Variants in GALNT18 observed in about 807,000 individuals in gnomAD.
GALNT18 encodes the protein GalNAc-transferase 18.
In GALNT18, 44 loss-of-function variants were observed where a neutral mutation model predicts 69.5. That is an observed-to-expected ratio of 0.63 (90% CI 0.50 to 0.81). The LOEUF is 0.81. GALNT18 is among the 40% of genes least tolerant of loss of function. The pLI, the probability that GALNT18 is intolerant of heterozygous loss-of-function variation, is 0.00. For missense variants in GALNT18, 715 were observed against 810.0 expected (o/e 0.88, Z 1.42); for synonymous variants, 364 against 318.2 (o/e 1.14, Z -1.53).
intron 10 of GALNT18, among the ~76,000 whole-genome samples, chr11:11,277,405 G>A (rs902339710): frequency 6.7e-6 from 1 of 150,356 alleles, no homozygotes; most frequent in African/African-American, 2.4e-5. Flanking sequence ...TCTTTTTTTT[G>A]TTAGTCTGGC....
At chr11:11,350,075 C>A (rs1286719246) in intron 6 of GALNT18, among the ~76,000 whole-genome samples, 1 of 152,174 alleles carries the variant, frequency 6.6e-6, no homozygotes, top group Non-Finnish European at 1.5e-5. Context: ...ATTCATTGGG[C>A]AGAATTCCAA....
At chr11:11,493,241 A>G (rs1856807744) in intron 1 of GALNT18, among the ~76,000 whole-genome samples, 2 of 128,798 alleles carry the variant, frequency 1.6e-5, no homozygotes, top group African/African-American at 6.0e-5. Context: ...AGCCTGGGCG[A>G]CAGAGTGAGA....
At chr11:11,468,724 C>T (rs941074501) in intron 1 of GALNT18, among the ~76,000 whole-genome samples, 2 of 152,086 alleles carry the variant, frequency 1.3e-5, no homozygotes, top group African/African-American at 4.8e-5. Flanking sequence ...CTTTTTCAAA[C>T]AGGATGCTCG....
At chr11:11,508,862 G>T (rs149840922) in intron 1 of GALNT18, among the ~76,000 whole-genome samples, 1 of 152,172 alleles carries the variant, frequency 6.6e-6, no homozygotes, top group African/African-American at 2.4e-5. Context: ...TAAATGCTAT[G>T]CAAGGGTGGT....
rs1373734155 is a variant in GALNT18, at chr11:11,621,460, T to C, written c.134A>G (p.Glu45Gly). 1 of 1,614,076 alleles carries C rather than the reference T, an allele frequency of 6.2e-7. No homozygotes were observed. The highest frequency in any genetic ancestry group is 8.5e-7 in the Non-Finnish European group (1 of 1,180,010). ...CTCCAGCTTCTTGTCGGGCGCCGGCTCCTGCCCCCGCACATACACGCTGGC... is the reference window on the plus strand; with the variant it reads ...CTCCAGCTTCTTGTCGGGCGCCGGCCCCTGCCCCCGCACATACACGCTGGC... ...YIASVYVRGQ[E>G]PAPDKKLEED... The change falls in exon 1 of 11, where the codon GAG becomes GGG. Residue 45 changes from glutamate (E) to glycine (G), a missense_variant. Transcript: ENST00000227756. The surrounding 1 kb of genome is among the most constrained non-coding windows in gnomAD (Gnocchi z 9.3).
At chr11:11,419,619 A>AT (rs1554932032) in intron 3 of GALNT18, among the ~76,000 whole-genome samples, 1 of 128,356 alleles carries the variant, frequency 7.8e-6, no homozygotes, top group Non-Finnish European at 1.7e-5. Context: ...AAAAAAAAAA[A>AT]AAAGAAAGAA....
At chr11:11,408,663 T>G (rs931655766) in intron 3 of GALNT18, among the ~76,000 whole-genome samples, 1 of 152,188 alleles carries the variant, frequency 6.6e-6, no homozygotes, top group Middle Eastern at 3.2e-3. Context: ...CACCCACACC[T>G]GCATCGTAGG....
intron 10 of GALNT18, among the ~76,000 whole-genome samples, chr11:11,272,140 G>A (rs193036418): frequency 6.6e-6 from 1 of 152,136 alleles, no homozygotes; most frequent in South Asian, 2.1e-4. Context: ...TGGCACTTGA[G>A]TATATGGTCA....
chr11:11,491,558 G>T (rs1856769940), intron 1 of GALNT18, among the ~76,000 whole-genome samples: 1 of 152,362 alleles, frequency 6.6e-6, no homozygotes, highest in South Asian at 2.1e-4. Context: ...ATTTCCTAAA[G>T]CAGATCTAAA....
intron 2 of GALNT18, among the ~76,000 whole-genome samples, chr11:11,437,822 G>A (rs1242590615): frequency 6.6e-6 from 1 of 151,986 alleles, no homozygotes; most frequent in Non-Finnish European, 1.5e-5. Flanking sequence ...ACTGTGAATT[G>A]GGGTCTGTCT....
chr11:11,342,234 T>C (rs576002022), intron 6 of GALNT18, among the ~76,000 whole-genome samples: 1 of 152,304 alleles, frequency 6.6e-6, no homozygotes, highest in Non-Finnish European at 1.5e-5. Flanking sequence ...AGATGCTTCA[T>C]CAGTCAATCA....
At chr11:11,416,054 C>A (rs1179538743) in intron 3 of GALNT18, among the ~76,000 whole-genome samples, 1 of 152,232 alleles carries the variant, frequency 6.6e-6, no homozygotes, top group Non-Finnish European at 1.5e-5. Flanking sequence ...TGATTCTCTG[C>A]ATTAGTTCTT....
In GALNT18 at chr11:11,332,996, G is replaced by A. The variant is rs148469731; in HGVS notation, c.1279-165C>T. ...ATTTTCCCACGGGTACCTTAACCCC[G>A]TAACCATCCTCATTTAGACTACGAA... On this transcript the variant is annotated intron_variant, in intron 7 of 10. Coordinates refer to ENST00000227756, the MANE Select transcript of GALNT18 (RefSeq NM_198516.3). This position sits in a 1 kb window ranked among gnomAD's most constrained non-coding sequence, Gnocchi z 4.3. 4.5e-4 allele frequency among the ~76,000 whole-genome samples: 69 copies of A among 151,680 alleles called. No homozygotes were observed. Among genetic ancestry groups the A allele is most frequent in the African/African-American group, 1.4e-3 (56 of 41,288 alleles).
chr11:11,396,755 G>A lies in GALNT18; in HGVS notation c.596-17491C>T, dbSNP rs16909590. On this transcript the variant is annotated intron_variant, in intron 3 of 10. Coordinates refer to ENST00000227756, the MANE Select transcript of GALNT18 (RefSeq NM_198516.3). This position sits in a 1 kb window ranked among gnomAD's most constrained non-coding sequence, Gnocchi z 5.2. The stretch of plus-strand genomic sequence containing the variant: ...TCTGGATCTCTAATCTGCAGTTGAT[G>A]CTCTGACCAGATGGAGGGAGAGAGA... Among the ~76,000 whole-genome samples, 332 of 152,246 alleles carry A rather than the reference G, an allele frequency of 2.2e-3. 2 individuals carry two copies. Among genetic ancestry groups the A allele is most frequent in the African/African-American group, 7.4e-3 (308 of 41,544 alleles).
intron 1 of GALNT18, among the ~76,000 whole-genome samples, chr11:11,522,075 G>A (rs1422744683): frequency 2.0e-5 from 3 of 152,140 alleles, no homozygotes; most frequent in Non-Finnish European, 2.9e-5. Context: ...ACACTGGGGC[G>A]GGATGACTTC....
chr11:11,615,246 G>A (rs1860015761), intron 1 of GALNT18, among the ~76,000 whole-genome samples: 1 of 152,168 alleles, frequency 6.6e-6, no homozygotes, highest in Non-Finnish European at 1.5e-5. Flanking sequence ...TAAGCTATAG[G>A]AGACAGAAAA....
At chr11:11,580,298 G>A (rs551620181) in intron 1 of GALNT18, among the ~76,000 whole-genome samples, 13 of 152,238 alleles carry the variant, frequency 8.5e-5, no homozygotes, top group African/African-American at 2.9e-4. Flanking sequence ...CAGCAAGGAA[G>A]GTGCCATCTT....
intron 1 of GALNT18, among the ~76,000 whole-genome samples, chr11:11,597,844 T>A (rs1859538944): frequency 6.6e-6 from 1 of 152,022 alleles, no homozygotes; most frequent in Non-Finnish European, 1.5e-5. Context: ...GTATTTTTAG[T>A]AGAAATGGGG....
intron 1 of GALNT18, among the ~76,000 whole-genome samples, chr11:11,532,814 GCTCAT>G (rs1428945084): frequency 6.6e-6 from 1 of 152,216 alleles, no homozygotes; most frequent in Admixed American, 6.5e-5. Context: ...GAAAGACTGA[GCTCAT>G]CCCTCAGCCT....
Sources: gnomAD v4.1 joint callset for allele counts (sites outside exome capture counted in the v4.1 genomes callset) on GRCh38, gnomAD v4.1.1 for gene constraint, Gnocchi (gnomAD v3.1) non-coding constraint, MANE v1.5 for transcripts, NCBI Gene and HGNC (gene_info 2026-07-23, HGNC 2026-07-21) for gene names.